Variants in EDA observed in about 807,000 individuals in gnomAD.
The protein encoded by EDA is ectodysplasin-A.
Under a neutral mutation model 23.6 loss-of-function variants are expected in EDA, and 2 were observed. That is an observed-to-expected ratio of 0.08 (90% confidence interval 0.03 to 0.27). The LOEUF (loss-of-function observed/expected upper bound fraction) is 0.27, where lower values mean the gene tolerates loss of function less well. Ranked by LOEUF, EDA falls within the 10% of genes least tolerant of loss-of-function variation. The pLI, the probability that EDA is intolerant of heterozygous loss-of-function variation, is 1.00. For synonymous variants in EDA, 131 were observed against 132.0 expected (o/e 0.99, Z 0.05); for missense variants, 229 against 324.2 (o/e 0.71, Z 2.26).
rs374489758 is a variant in EDA at position 69,833,882 on chromosome X, C to T, written c.397-123145C>T. Reference sequence around the variant, plus strand: ...GTTTGTTACATACGTATACAGGTGCCATGTTAGTGTGCTGCACCCATTAAC... The same window carrying T: ...GTTTGTTACATACGTATACAGGTGCTATGTTAGTGTGCTGCACCCATTAAC... On this transcript the variant is annotated intron_variant, in intron 1 of 7. Coordinates refer to ENST00000374552, the MANE Select transcript of EDA (RefSeq NM_001399.5). Among the ~76,000 whole-genome samples the T allele has an allele frequency of 4.1e-4, 45 of 109,427 alleles. No individual in the cohort carries two copies. In the South Asian group the frequency reaches 0.017, roughly 41 times the overall value.
intron 2 of EDA, among the ~76,000 whole-genome samples, chrX:69,990,008 T>C (rs2019561836): frequency 1.9e-5 from 2 of 107,420 alleles, no homozygotes; most frequent in African/African-American, 6.8e-5. Flanking sequence ...ATGGCTACTT[T>C]AAAAATATTT....
chrX:69,798,530 A>C (rs372380812), intron 1 of EDA, among the ~76,000 whole-genome samples: 7 of 111,784 alleles, frequency 6.3e-5, no homozygotes, highest in East Asian at 2.8e-4. Context: ...AAACTCTACA[A>C]ATACCTGGAA....
intron 1 of EDA, among the ~76,000 whole-genome samples, chrX:69,875,907 A>T (rs752106571): frequency 8.9e-6 from 1 of 112,243 alleles, no homozygotes; most frequent in Non-Finnish European, 1.9e-5. Context: ...ATCACAAATT[A>T]TCAGGAAAAT....
chrX:69,979,670 T>C (rs1569392774), intron 2 of EDA, among the ~76,000 whole-genome samples: 2 of 112,096 alleles, frequency 1.8e-5, no homozygotes, highest in East Asian at 5.6e-4. Flanking sequence ...CATGTGATTA[T>C]TGGCCATTTG....
At chrX:69,999,720 T>A (rs1388733708) in intron 2 of EDA, among the ~76,000 whole-genome samples, 1 of 111,323 alleles carries the variant, frequency 9.0e-6, no homozygotes. Context: ...CTTAAACTGT[T>A]ACAAAGCATA....
intron 1 of EDA, among the ~76,000 whole-genome samples, chrX:69,707,135 G>C (rs1296072045): frequency 8.9e-6 from 1 of 112,144 alleles, no homozygotes; most frequent in Admixed American, 9.5e-5. Flanking sequence ...TAGTCAACAG[G>C]GTTTTGAGAA....
chrX:69,834,807 A>G (rs1319421630), intron 1 of EDA, among the ~76,000 whole-genome samples: 1 of 111,521 alleles, frequency 9.0e-6, no homozygotes, highest in African/African-American at 3.3e-5. Flanking sequence ...TCTTCCTAGC[A>G]TTGATGGTCT....
rs867482522 is a variant in EDA at position 69,899,444 on chromosome X, C to A, written c.397-57583C>A. ...AATACAGTATTCCTAGTAGTATAAT[C>A]CAAAAATCTAAAAAACCATGTTGCA... On this transcript the variant is annotated intron_variant, in intron 1 of 7. Transcript: ENST00000374552. Among the ~76,000 whole-genome samples the A allele has an allele frequency of 1.9e-3, 212 of 110,902 alleles. 1 individual carries two copies. The highest frequency in any genetic ancestry group is 6.7e-3 in the African/African-American group (206 of 30,544).
chrX:69,659,582 T>C (rs1933422264), intron 1 of EDA, among the ~76,000 whole-genome samples: 2 of 112,160 alleles, frequency 1.8e-5, no homozygotes, highest in Non-Finnish European at 3.8e-5. Flanking sequence ...AAATATGGCA[T>C]ATGCAATCAT....
chrX:70,021,613 A>G lies in EDA; in HGVS notation c.503-1605A>G, dbSNP rs1000549229. ...CGCAATGCTGTTAAAAAAAAAATTC[A>G]TAAAGGATGGGTAACAAAGAAAGAA... On this transcript the variant is annotated intron_variant, in intron 2 of 7. Transcript: ENST00000374552. Among the ~76,000 whole-genome samples, 5 of 112,192 alleles carry G rather than the reference A, an allele frequency of 4.5e-5. No individual in the cohort carries two copies. In the Admixed American group the frequency reaches 4.7e-4, roughly 11 times the overall value.
chrX:69,929,753 T>TGA (rs1439675944), intron 1 of EDA, among the ~76,000 whole-genome samples: 6 of 96,011 alleles, frequency 6.2e-5, no homozygotes, highest in Admixed American at 4.5e-4. Flanking sequence ...TGTGTGTGTG[T>TGA]GATGTATAAT....
chrX:69,704,708 A>G (rs73224466), intron 1 of EDA, among the ~76,000 whole-genome samples: 24,987 of 110,036 alleles, frequency 0.23, 2,164 homozygotes, highest in African/African-American at 0.24. Flanking sequence ...AAGGACTTTA[A>G]GATTTTAAGT....
At chrX:69,806,910 AG>A (rs1301985237) in intron 1 of EDA, among the ~76,000 whole-genome samples, 4 of 111,347 alleles carry the variant, frequency 3.6e-5, no homozygotes, top group African/African-American at 1.3e-4. Flanking sequence ...GAGGGTAGGT[AG>A]AGTCTAAACT....
chrX:69,842,840 C>T (rs766385540), intron 1 of EDA, among the ~76,000 whole-genome samples: 17 of 111,349 alleles, frequency 1.5e-4, no homozygotes, highest in Non-Finnish European at 3.2e-4. Context: ...CTCTCTCTTG[C>T]CCCTGCTCTG....
chrX:69,898,734 G>A (rs1308757062), intron 1 of EDA, among the ~76,000 whole-genome samples: 1 of 112,166 alleles, frequency 8.9e-6, no homozygotes, highest in Non-Finnish European at 1.9e-5. Flanking sequence ...GTTATGTATT[G>A]AAATTTTTTA....
intron 1 of EDA, among the ~76,000 whole-genome samples, chrX:69,746,979 G>T (rs1334279081): frequency 1.8e-5 from 2 of 111,649 alleles, no homozygotes. Context: ...TCTATGCACT[G>T]CAGTGAATAG....
At chrX:69,995,556 C>T (rs1162321523) in intron 2 of EDA, among the ~76,000 whole-genome samples, 1 of 111,584 alleles carries the variant, frequency 9.0e-6, no homozygotes, top group African/African-American at 3.3e-5. Context: ...ACTGTTCCCT[C>T]TAATGAAGTC....
intron 2 of EDA, among the ~76,000 whole-genome samples, chrX:69,972,153 A>C (rs2019256708): frequency 9.0e-6 from 1 of 111,686 alleles, no homozygotes; most frequent in Admixed American, 9.5e-5. Context: ...ATAATGTTCC[A>C]TTTTCACATT....
intron 1 of EDA, among the ~76,000 whole-genome samples, chrX:69,827,804 C>T (rs1168645699): frequency 9.0e-6 from 1 of 111,729 alleles, no homozygotes; most frequent in Non-Finnish European, 1.9e-5. Context: ...AGTTTTTCTG[C>T]TCTGTTTTTT....
Sources: allele counts gnomAD v4.1 joint callset (sites outside exome capture counted in the v4.1 genomes callset), GRCh38; gene constraint gnomAD v4.1.1; transcripts MANE v1.5; gene names NCBI Gene and HGNC (gene_info 2026-07-23, HGNC 2026-07-21).